The following CADM2 variants were observed in gnomAD, a reference collection of about 807,000 sequenced individuals.
The protein encoded by CADM2 is immunoglobulin superfamily member 4D.
CADM2 carries 12 observed loss-of-function variants against 49.8 expected under a neutral mutation model. The ratio of observed to expected loss-of-function variants is 0.24; its 90% CI spans 0.15 to 0.39. CADM2 has a LOEUF of 0.39. CADM2 is among the 10% of genes least tolerant of loss of function. The probability of loss-of-function intolerance (pLI) is 1.00; values close to 1 mark genes in which losing one functional copy is unlikely to be tolerated. For missense variants in CADM2, 378 were observed against 492.3 expected (o/e 0.77, Z 2.20); for synonymous variants, 214 against 175.4 (o/e 1.22, Z -1.74).
chr3:85,890,417 T>G (rs1714267678), intron 5 of CADM2, among the ~76,000 whole-genome samples: 2 of 152,162 alleles, frequency 1.3e-5, no homozygotes, highest in African/African-American at 4.8e-5. Context: ...TGGTCTCAGA[T>G]AGGCAGAGGG....
intron 1 of CADM2, among the ~76,000 whole-genome samples, chr3:85,269,136 A>G (rs2043180503): frequency 1.3e-5 from 2 of 151,384 alleles, no homozygotes; most frequent in Non-Finnish European, 3.0e-5. Flanking sequence ...GAATGAAATT[A>G]ACACAAAATC....
intron 8 of CADM2, among the ~76,000 whole-genome samples, chr3:85,975,042 C>CAGAT (rs982138105): frequency 8.6e-5 from 13 of 151,156 alleles, no homozygotes; most frequent in South Asian, 8.3e-4. Context: ...CTTAGATAGA[C>CAGAT]AGATAGATAG....
intron 1 of CADM2, among the ~76,000 whole-genome samples, chr3:85,295,920 AG>A (rs2043951144): frequency 6.6e-6 from 1 of 152,078 alleles, no homozygotes; most frequent in Non-Finnish European, 1.5e-5. Flanking sequence ...TAAAACTTAA[AG>A]TATAATAAAA....
chr3:85,210,909 G>C, intron 1 of CADM2, among the ~76,000 whole-genome samples: 1 of 152,056 alleles, frequency 6.6e-6, no homozygotes, highest in East Asian at 1.9e-4. Flanking sequence ...AAGCCATCAG[G>C]GTCTGGGCTT....
intron 1 of CADM2, among the ~76,000 whole-genome samples, chr3:85,257,625 T>C (rs1004355819): frequency 6.6e-6 from 1 of 152,076 alleles, no homozygotes; most frequent in East Asian, 1.9e-4. Flanking sequence ...AAAAAGAAAA[T>C]TGATACTTAG....
At chr3:85,939,468 AACACACACACACAC>A (rs373804679) in intron 7 of CADM2, among the ~76,000 whole-genome samples, 4 of 136,976 alleles carry the variant, frequency 2.9e-5, no homozygotes, top group Admixed American at 1.5e-4. Flanking sequence ...AGTAAACGAA[AACACACACACACAC>A]ACACACACAC....
At chr3:85,745,489 G>A (rs568435763) in intron 2 of CADM2, among the ~76,000 whole-genome samples, 23 of 151,894 alleles carry the variant, frequency 1.5e-4, no homozygotes, top group African/African-American at 5.5e-4. Context: ...AAAAAAAACA[G>A]GCAAAAGAGA....
chr3:85,221,031 A>G (rs2042033102), intron 1 of CADM2, among the ~76,000 whole-genome samples: 1 of 152,176 alleles, frequency 6.6e-6, no homozygotes, highest in East Asian at 1.9e-4. Context: ...GTGAAACTGT[A>G]GGAGAATTAA....
chr3:85,419,803 T>A (rs2036086318), intron 1 of CADM2, among the ~76,000 whole-genome samples: 1 of 152,188 alleles, frequency 6.6e-6, no homozygotes, highest in Non-Finnish European at 1.5e-5. Context: ...TCATTAAACT[T>A]GGTATCTACT....
At chr3:85,140,741 C>T (rs1015652936) in intron 1 of CADM2, among the ~76,000 whole-genome samples, 1 of 152,188 alleles carries the variant, frequency 6.6e-6, no homozygotes, top group African/African-American at 2.4e-5. Context: ...GACTTAGGTC[C>T]AGACAGTTTC....
At chr3:85,651,612 C>T (rs1559570497) in intron 1 of CADM2, among the ~76,000 whole-genome samples, 2 of 151,904 alleles carry the variant, frequency 1.3e-5, no homozygotes, top group Non-Finnish European at 2.9e-5. Context: ...AAAGAGAGTA[C>T]AATAAAACCT....
At chr3:85,723,436 T>G (rs943735818) in intron 1 of CADM2, among the ~76,000 whole-genome samples, 1 of 152,126 alleles carries the variant, frequency 6.6e-6, no homozygotes, top group African/African-American at 2.4e-5. Flanking sequence ...ATGGAAAATC[T>G]TACAAGTATT....
intron 2 of CADM2, among the ~76,000 whole-genome samples, chr3:85,769,599 CATATATACATATATACATATATA>C (rs2069950422): frequency 3.3e-5 from 3 of 89,816 alleles, no homozygotes; most frequent in Non-Finnish European, 2.1e-5. Context: ...AGTATATACA[CATATATACATATATACATATATA>C]GTATATATAT....
At chr3:85,231,293 G>T (rs751104551) in intron 1 of CADM2, among the ~76,000 whole-genome samples, 3 of 152,108 alleles carry the variant, frequency 2.0e-5, no homozygotes, top group Non-Finnish European at 2.9e-5. Flanking sequence ...AAATTTATAA[G>T]AGGATGAAGC....
In CADM2 at chr3:85,750,621, T is replaced by C. The variant is rs917907896; in HGVS notation, c.88+24073T>C. The stretch of plus-strand genomic sequence containing the variant: ...AATATTTTATTATTTCCCTTTCTCA[T>C]GGTAAGAACAGCTAGATTCTTTAGT... On this transcript the variant is annotated intron_variant, in intron 2 of 9. Coordinates refer to ENST00000383699, the MANE Select transcript of CADM2 (RefSeq NM_001167675.2). Among the ~76,000 whole-genome samples the C allele has an allele frequency of 5.3e-5, 8 of 152,234 alleles. No homozygotes were observed. In the East Asian group the frequency reaches 1.2e-3, roughly 22 times the overall value.
intron 1 of CADM2, among the ~76,000 whole-genome samples, chr3:85,345,994 T>C (rs1405126270): frequency 3.9e-5 from 6 of 152,160 alleles, no homozygotes; most frequent in Admixed American, 3.9e-4. Flanking sequence ...ATGTCCACAA[T>C]TGGGGAATCT....
chr3:85,843,932 T>A (rs1477607742), intron 3 of CADM2, among the ~76,000 whole-genome samples: 1 of 151,966 alleles, frequency 6.6e-6, no homozygotes, highest in Non-Finnish European at 1.5e-5. Context: ...ACAAACCTGA[T>A]GCTCTTAGTT....
intron 1 of CADM2, among the ~76,000 whole-genome samples, chr3:85,476,182 G>A (rs1164509872): frequency 6.6e-6 from 1 of 151,730 alleles, no homozygotes; most frequent in Non-Finnish European, 1.5e-5. Context: ...TTCATCTATT[G>A]GTCAAAGTCA....
At chr3:85,988,819 C>T (rs988740064) in intron 8 of CADM2, among the ~76,000 whole-genome samples, 1 of 152,100 alleles carries the variant, frequency 6.6e-6, no homozygotes, top group African/African-American at 2.4e-5. Context: ...CTCAAATATG[C>T]CCAGAGCTGT....
Sources: gnomAD v4.1 joint callset for allele counts (sites outside exome capture counted in the v4.1 genomes callset) on GRCh38, gnomAD v4.1.1 for gene constraint, MANE v1.5 for transcripts, NCBI Gene and HGNC (gene_info 2026-07-23, HGNC 2026-07-21) for gene names.